HNRNPR: variants seen among roughly 807,000 people sequenced by gnomAD.
HNRNPR encodes heterogeneous nuclear ribonucleoprotein R.
A neutral mutation model predicts 70.3 loss-of-function variants in HNRNPR; 4 were observed. The observed-to-expected ratio is 0.06, with a 90% CI of 0.03 to 0.13. The LOEUF (loss-of-function observed/expected upper bound fraction) is 0.13. HNRNPR is among the 10% of genes least tolerant of loss of function. HNRNPR has a pLI of 1.00. For synonymous variants in HNRNPR, 241 were observed against 267.6 expected (o/e 0.90, Z 0.97); for missense variants, 423 against 788.5 (o/e 0.54, Z 5.55).
chr1:23,335,203 C>A (rs1374579385), intron 4 of HNRNPR, among the ~76,000 whole-genome samples: 2 of 152,238 alleles, frequency 1.3e-5, no homozygotes, highest in Non-Finnish European at 2.9e-5. Flanking sequence ...CAGGCGTGAG[C>A]CACAGAGCCC....
chr1:23,329,381 G>T (rs1646127091), intron 5 of HNRNPR, among the ~76,000 whole-genome samples: 1 of 152,134 alleles, frequency 6.6e-6, no homozygotes, highest in Admixed American at 6.6e-5. Context: ...AAATGAAATA[G>T]GAATACTTTC....
intron 5 of HNRNPR, among the ~76,000 whole-genome samples, chr1:23,323,951 A>T (rs1645857833): frequency 6.6e-6 from 1 of 152,146 alleles, no homozygotes; most frequent in Non-Finnish European, 1.5e-5. Flanking sequence ...ATGGAAACTA[A>T]TAAGAGTGTA....
At position 23,304,753 on chromosome 1, in the gene HNRNPR, T is replaced by C. The variant is rs1461684922; in HGVS notation, c.*5701A>G. 6.6e-6 allele frequency: 1 copy of C among 152,244 alleles called. No homozygotes were observed. The highest frequency in any genetic ancestry group is 1.5e-5 in the Non-Finnish European group (1 of 68,034). The allele number at this position is 152,244 out of a possible 1,614,324, so 9.4% of individuals were successfully genotyped here. A position where few individuals can be genotyped will look rare whatever the true frequency, so the allele number is the denominator to read the frequency against. Reference sequence around the variant, plus strand: ...TACAAATATTCCAATACAGTTATGGTACATGAACACTGTACCAAAAGCATG... The same window carrying C: ...TACAAATATTCCAATACAGTTATGGCACATGAACACTGTACCAAAAGCATG... On this transcript the variant is annotated 3_prime_UTR_variant, in exon 11 of 11. Transcript: ENST00000302271.
rs1645219595 is a variant in HNRNPR, at chr1:23,307,473, A to G, written c.*2981T>C. The G allele has an allele frequency of 6.6e-6, 1 of 152,102 alleles. No homozygotes were observed. The highest frequency in any genetic ancestry group is 2.4e-5 in the African/African-American group (1 of 41,440). The allele number at this position is 152,102 out of a possible 1,614,324, so 9.4% of individuals were successfully genotyped here. On this transcript the variant is annotated 3_prime_UTR_variant, in exon 11 of 11. Transcript: ENST00000302271. ...CTATCAGAAAGCATTGGGCTTTCTT[A>G]TGCAGAATAACCCCAGTAACTAAAA...
At chr1:23,333,098 C>T (rs957607471) in intron 5 of HNRNPR, among the ~76,000 whole-genome samples, 3 of 152,168 alleles carry the variant, frequency 2.0e-5, no homozygotes, top group African/African-American at 7.2e-5. Context: ...AGGAGAATCA[C>T]TTGAACCCAG....
chr1:23,316,701 CAATAA>C (rs1645559728), intron 8 of HNRNPR, among the ~76,000 whole-genome samples: 1 of 151,946 alleles, frequency 6.6e-6, no homozygotes, highest in African/African-American at 2.4e-5. Flanking sequence ...GATCCAGGCT[CAATAA>C]AATAGATGAC....
rs1284900068 is a variant in HNRNPR at position 23,306,584 on chromosome 1, TA to T, written c.*3869del. On this transcript the variant is annotated 3_prime_UTR_variant, in exon 11 of 11. Transcript: ENST00000302271. ...TTTCTGGATAACATCTGAAAATGAT[TA>T]AAAAAACAAAAAAACAAAACAAAAC... 1 of 148,698 alleles carries T rather than the reference TA, an allele frequency of 6.7e-6. No homozygotes were observed. The highest frequency in any genetic ancestry group is 1.5e-5 in the Non-Finnish European group (1 of 67,702). 9.2% of individuals were successfully genotyped at this position (148,698 alleles called of 1,614,324 possible).
intron 5 of HNRNPR, among the ~76,000 whole-genome samples, chr1:23,326,963 AT>A (rs1291623412): frequency 6.6e-6 from 1 of 152,076 alleles, no homozygotes; most frequent in Admixed American, 6.5e-5. Flanking sequence ...GTAACAAATG[AT>A]TTTTTCTAAA....
intron 1 of HNRNPR, 25 bp from the exon 2 acceptor site, chr1:23,341,042 T>C (rs1646686928): frequency 1.3e-6 from 2 of 1,582,968 alleles, no homozygotes; most frequent in African/African-American, 1.4e-5. Flanking sequence ...TCAGGAGCTA[T>C]ATTACATTAA....
intron 1 of HNRNPR, among the ~76,000 whole-genome samples, chr1:23,341,753 C>T (rs1646710911): frequency 6.6e-6 from 1 of 152,064 alleles, no homozygotes; most frequent in Non-Finnish European, 1.5e-5. Context: ...ATTTTCATAT[C>T]AGTAAAATAA....
intron 6 of HNRNPR, among the ~76,000 whole-genome samples, chr1:23,322,176 T>C (rs1226255063): frequency 3.3e-5 from 5 of 151,996 alleles, no homozygotes; most frequent in Admixed American, 6.6e-5. Context: ...CAAAATTTTA[T>C]AAAATTTTGA....
Position 23,321,670 on chromosome 1 carries a change from TAAGAA to T in HNRNPR, c.676-12_676-8del, listed in dbSNP as rs1353035342. ...GAATTTCATAGCTGTCACACTGCAA[TAAGAA>T]AAGAACCAGAGACCCCAAAACCACC... On this transcript the variant is annotated splice_polypyrimidine_tract_variant and splice_region_variant and intron_variant, in intron 6 of 10. Coordinates refer to ENST00000302271, the MANE Select transcript of HNRNPR (RefSeq NM_005826.5). The T allele has an allele frequency of 3.7e-6, 6 of 1,603,604 alleles. No individual in the cohort carries two copies. The Admixed American group carries it at 6.9e-5, about 18-fold the overall frequency.
intron 4 of HNRNPR, among the ~76,000 whole-genome samples, chr1:23,336,054 T>C (rs1391505718): frequency 2.2e-5 from 3 of 133,834 alleles, no homozygotes; most frequent in Non-Finnish European, 3.1e-5. Flanking sequence ...GAGGCGGAGC[T>C]TGCAGTGAGC....
intron 8 of HNRNPR, among the ~76,000 whole-genome samples, chr1:23,315,693 T>G (rs1645514842): frequency 6.6e-6 from 1 of 152,212 alleles, no homozygotes; most frequent in South Asian, 2.1e-4. Context: ...TATATAACTT[T>G]TGAACTAAGA....
At chr1:23,324,188 A>G (rs911259937) in intron 5 of HNRNPR, among the ~76,000 whole-genome samples, 1 of 151,722 alleles carries the variant, frequency 6.6e-6, no homozygotes, top group African/African-American at 2.4e-5. Flanking sequence ...ATTAAAAATA[A>G]AAATGAATAA....
At position 23,323,636 on chromosome 1, in the gene HNRNPR, C is replaced by T. The variant is rs758701257; in HGVS notation, c.595G>A (p.Asp199Asn). Residue 199 changes from aspartate to asparagine, a missense_variant, in exon 6 of 11, where the codon GAT (aspartate) becomes AAT (asparagine). Physicochemically the swap from Asp to Asn is conservative, Grantham distance 23. Transcript: ENST00000302271. ...CCTCTATTCTGACCGGACAGTGGAT[C>T]CATCATAAGACGTAGATCCCAAATG... ...GPIWDLRLMM[D>N]PLSGQNRGYA... 1 of 1,614,072 alleles carries T rather than the reference C, an allele frequency of 6.2e-7. No individual in the cohort carries two copies. The highest frequency in any genetic ancestry group is 1.1e-5 in the South Asian group (1 of 91,074).
At chr1:23,341,935 A>T (rs1646718550) in intron 1 of HNRNPR, among the ~76,000 whole-genome samples, 1 of 152,214 alleles carries the variant, frequency 6.6e-6, no homozygotes, top group Non-Finnish European at 1.5e-5. Flanking sequence ...GAGAGAGAGT[A>T]AACAATAAAC....
intron 8 of HNRNPR, among the ~76,000 whole-genome samples, chr1:23,315,879 T>C (rs756998847): frequency 6.6e-6 from 1 of 152,218 alleles, no homozygotes; most frequent in Non-Finnish European, 1.5e-5. Flanking sequence ...GCCTCTATGT[T>C]ACACAGACTC....
chr1:23,314,140 TG>T (rs373939370), intron 8 of HNRNPR, among the ~76,000 whole-genome samples: 50 of 152,190 alleles, frequency 3.3e-4, no homozygotes, highest in African/African-American at 1.2e-3. Flanking sequence ...CAAACTATAA[TG>T]CTTAAATCAT....
Sources: allele counts gnomAD v4.1 joint callset (sites outside exome capture counted in the v4.1 genomes callset), GRCh38; gene constraint gnomAD v4.1.1; transcripts MANE v1.5; gene names NCBI Gene and HGNC (gene_info 2026-07-23, HGNC 2026-07-21).